The following MAGI2 variants were observed in gnomAD, a reference collection of about 807,000 sequenced individuals.
MAGI2 encodes membrane-associated guanylate kinase, WW and PDZ domain-containing protein 2.
In MAGI2, 35 loss-of-function variants were observed where a neutral mutation model predicts 133.3. The observed-to-expected ratio is 0.26, with a 90% CI of 0.20 to 0.35. The LOEUF is 0.35. Among genes scored for constraint, MAGI2 ranks in the 10% least tolerant of loss-of-function variants. The pLI, the probability that MAGI2 is intolerant of heterozygous loss-of-function variation, is 1.00. For synonymous variants in MAGI2, 729 were observed against 710.6 expected, an observed-to-expected ratio of 1.03 and a Z score of -0.41; for missense variants, 1,636 against 1,863.4, an observed-to-expected ratio of 0.88 and a Z score of 2.25.
chr7:78,711,298 G>A (rs56934764), intron 2 of MAGI2, among the ~76,000 whole-genome samples: 1 of 152,110 alleles, frequency 6.6e-6, no homozygotes, highest in African/African-American at 2.4e-5. Context: ...AGTTTCAGAA[G>A]AGTATATATA....
intron 2 of MAGI2, among the ~76,000 whole-genome samples, chr7:78,691,563 T>C (rs1816956700): frequency 1.3e-5 from 2 of 152,136 alleles, no homozygotes; most frequent in Admixed American, 1.3e-4. Context: ...AACAGATTGG[T>C]GTATGATATT....
At chr7:78,968,477 T>G (rs1487801657) in intron 2 of MAGI2, among the ~76,000 whole-genome samples, 1 of 151,826 alleles carries the variant, frequency 6.6e-6, no homozygotes, top group Non-Finnish European at 1.5e-5. Flanking sequence ...CTAGGTTAAG[T>G]TTATTTCTAA....
At chr7:79,437,239 G>C (rs1235859441) in intron 1 of MAGI2, among the ~76,000 whole-genome samples, 1 of 151,868 alleles carries the variant, frequency 6.6e-6, no homozygotes, top group Non-Finnish European at 1.5e-5. Flanking sequence ...CTACCTGTTG[G>C]GTACTATGTA....
chr7:78,344,651 G>T (rs1490328118), intron 8 of MAGI2, among the ~76,000 whole-genome samples: 1 of 152,142 alleles, frequency 6.6e-6, no homozygotes, highest in Admixed American at 6.6e-5. Flanking sequence ...ATAGTGTTTA[G>T]TATACTCTAA....
intron 1 of MAGI2, among the ~76,000 whole-genome samples, chr7:79,315,436 A>G (rs1838646115): frequency 6.6e-6 from 1 of 151,216 alleles, no homozygotes; most frequent in Admixed American, 6.6e-5. Flanking sequence ...CAGCCCTCCA[A>G]AGTGTTAGGA....
intron 21 of MAGI2, among the ~76,000 whole-genome samples, chr7:78,067,344 G>A (rs1290036230): frequency 6.6e-6 from 1 of 152,184 alleles, no homozygotes; most frequent in Non-Finnish European, 1.5e-5. Flanking sequence ...GAGCATGGTG[G>A]AAATAAATTG....
At chr7:79,070,597 T>C (rs1814865531) in intron 1 of MAGI2, among the ~76,000 whole-genome samples, 1 of 151,918 alleles carries the variant, frequency 6.6e-6, no homozygotes, top group African/African-American at 2.4e-5. Context: ...GTTTACACCA[T>C]TCTCTTGCAT....
intron 1 of MAGI2, among the ~76,000 whole-genome samples, chr7:79,161,954 C>A (rs1178986615): frequency 6.6e-6 from 1 of 151,826 alleles, no homozygotes; most frequent in African/African-American, 2.4e-5. Flanking sequence ...TTTATATGGT[C>A]AATTAATTCT....
intron 4 of MAGI2, among the ~76,000 whole-genome samples, chr7:78,511,067 G>A (rs2150556164): frequency 6.6e-6 from 1 of 152,174 alleles, no homozygotes; most frequent in African/African-American, 2.4e-5. Flanking sequence ...TTGTTATATT[G>A]ATCTAAGGTT....
chr7:78,437,076 G>A (rs1800365054), intron 6 of MAGI2, among the ~76,000 whole-genome samples: 1 of 150,966 alleles, frequency 6.6e-6, no homozygotes, highest in African/African-American at 2.4e-5. Flanking sequence ...CCTGGAGGAT[G>A]CAGGAAAATT....
chr7:78,444,141 T>A (rs1359837693), intron 6 of MAGI2, among the ~76,000 whole-genome samples: 10 of 152,082 alleles, frequency 6.6e-5, no homozygotes, highest in Non-Finnish European at 1.5e-5. Context: ...GTCAGAACAC[T>A]GAACGGGAAC....
At position 79,368,847 on chromosome 7, in the gene MAGI2, C is replaced by CAA. The variant is rs71095400; in HGVS notation, c.301+84171_301+84172dup. Reference sequence around the variant, plus strand: ...TGGGCGACAGAGCGAGACTCCGTCTCAAAAAAAAAAAAAAAAAAAAAAAAA... The same window carrying CAA: ...TGGGCGACAGAGCGAGACTCCGTCTCAAAAAAAAAAAAAAAAAAAAAAAAAAA... On this transcript the variant is annotated intron_variant, in intron 1 of 21. Transcript: ENST00000354212. Among the ~76,000 whole-genome samples the CAA allele has an allele frequency of 3.6e-3, 272 of 75,320 alleles. 9 individuals are homozygous for CAA. The highest frequency in any genetic ancestry group is 7.6e-3 in the African/African-American group (185 of 24,248). The allele number at this position is 75,320 out of a possible 152,430, so 49.4% of individuals were successfully genotyped here.
At chr7:78,916,453 G>A (rs1265988538) in intron 2 of MAGI2, among the ~76,000 whole-genome samples, 1 of 152,138 alleles carries the variant, frequency 6.6e-6, no homozygotes, top group Non-Finnish European at 1.5e-5. Flanking sequence ...GAAGACCAGT[G>A]TATTTCTTAC....
intron 1 of MAGI2, among the ~76,000 whole-genome samples, chr7:79,416,373 G>C (rs1379040228): frequency 6.6e-6 from 1 of 151,716 alleles, no homozygotes; most frequent in Non-Finnish European, 1.5e-5. Flanking sequence ...GGAGAGAAGA[G>C]GAGAGAGAGA....
chr7:79,098,832 G>A (rs2129543050), intron 1 of MAGI2, among the ~76,000 whole-genome samples: 1 of 152,306 alleles, frequency 6.6e-6, no homozygotes, highest in African/African-American at 2.4e-5. Context: ...GTTCCCAGGA[G>A]AGGAGAGAGA....
At chr7:78,603,925 G>A (rs1805493450) in intron 3 of MAGI2, among the ~76,000 whole-genome samples, 1 of 152,184 alleles carries the variant, frequency 6.6e-6, no homozygotes, top group South Asian at 2.1e-4. Flanking sequence ...AGGTACTGTG[G>A]TAGGGACCAG....
chr7:79,385,592 A>G (rs892277045), intron 1 of MAGI2, among the ~76,000 whole-genome samples: 1 of 40,760 alleles, frequency 2.5e-5, no homozygotes, highest in African/African-American at 2.5e-4. Flanking sequence ...TACTTTTATA[A>G]AAAAAATTCC....
Position 78,585,406 on chromosome 7 carries a change from G to C in MAGI2, c.538+41714C>G, listed in dbSNP as rs182807921. Among the ~76,000 whole-genome samples the C allele has an allele frequency of 5.3e-4, 80 of 152,306 alleles. 1 individual carries two copies. The highest frequency in any genetic ancestry group is 9.6e-4 in the Non-Finnish European group (65 of 68,026). On this transcript the variant is annotated intron_variant, in intron 3 of 21. Coordinates refer to ENST00000354212, the MANE Select transcript of MAGI2 (RefSeq NM_012301.4). The stretch of plus-strand genomic sequence containing the variant: ...GGTATCTGAAGGTTCCAGTGCAATA[G>C]TGACTGTACCCAGGAAGAACTGCAG...
At chr7:78,639,655 T>G (rs1810067024) in intron 2 of MAGI2, among the ~76,000 whole-genome samples, 1 of 152,286 alleles carries the variant, frequency 6.6e-6, no homozygotes, top group East Asian at 1.9e-4. Context: ...ATTGGGGATA[T>G]TATAACAGAA....
Sources: allele counts gnomAD v4.1 joint callset (sites outside exome capture counted in the v4.1 genomes callset), GRCh38; gene constraint gnomAD v4.1.1; transcripts MANE v1.5; gene names NCBI Gene and HGNC (gene_info 2026-07-23, HGNC 2026-07-21).